Variants in DERA observed in about 807,000 individuals in gnomAD.
DERA encodes the protein 2-deoxy-D-ribose 5-phosphate aldolase.
DERA carries 15 observed loss-of-function variants against 41.1 expected under a neutral mutation model. The ratio of observed to expected loss-of-function variants is 0.37; its 90% CI spans 0.24 to 0.56. The LOEUF is 0.56. Ranked by LOEUF, DERA falls within the 20% of genes least tolerant of loss-of-function variation. The pLI is 0.81. For missense variants in DERA, 396 were observed against 403.4 expected (o/e 0.98, Z 0.16); for synonymous variants, 139 against 137.4 (o/e 1.01, Z -0.08).
intron 1 of DERA, among the ~76,000 whole-genome samples, chr12:15,949,706 C>G (rs1437467006): frequency 3.3e-5 from 5 of 152,146 alleles, no homozygotes; most frequent in Admixed American, 3.3e-4. Flanking sequence ...ACCCACTGTC[C>G]TGCACCCACT....
intron 5 of DERA, among the ~76,000 whole-genome samples, chr12:15,975,354 G>A (rs578056323): frequency 6.6e-6 from 1 of 152,314 alleles, no homozygotes; most frequent in African/African-American, 2.4e-5. Context: ...GATCGGATGA[G>A]CCAGTTTATC....
Position 15,928,186 on chromosome 12 carries a change from A to G in DERA, c.31+16772A>G, listed in dbSNP as rs1948301622. ...TAGCCGTTTTGAAACATACATGAGTATTAACTGTAGCTACCATGCTGTGCA... is the reference window on the plus strand; with the variant it reads ...TAGCCGTTTTGAAACATACATGAGTGTTAACTGTAGCTACCATGCTGTGCA... On this transcript the variant is annotated intron_variant, in intron 1 of 8. Coordinates refer to ENST00000428559, the MANE Select transcript of DERA (RefSeq NM_015954.4). The surrounding 1 kb of genome is among the most constrained non-coding windows in gnomAD (Gnocchi z 4.6). Among the ~76,000 whole-genome samples, 1 of 152,212 alleles carries G rather than the reference A, an allele frequency of 6.6e-6. No individual in the cohort carries two copies.
intron 1 of DERA, among the ~76,000 whole-genome samples, chr12:15,926,070 G>A (rs965210230): frequency 2.6e-5 from 4 of 151,350 alleles, no homozygotes; most frequent in Non-Finnish European, 2.9e-5. Context: ...TGATCCGCCC[G>A]CCTCAGCCTC....
chr12:16,015,618 A>G (rs141205773), intron 6 of DERA, among the ~76,000 whole-genome samples: 77 of 152,302 alleles, frequency 5.1e-4, no homozygotes, highest in African/African-American at 1.8e-3. Context: ...GACTAATACA[A>G]TTTGGTCAAC....
intron 1 of DERA, among the ~76,000 whole-genome samples, chr12:15,917,887 G>A (rs1284862055): frequency 1.3e-5 from 2 of 152,108 alleles, no homozygotes; most frequent in Non-Finnish European, 2.9e-5. Context: ...TGAGCACTAG[G>A]TATGCTCATT....
chr12:15,940,477 G>A lies in DERA; in HGVS notation c.32-16459G>A, dbSNP rs548106482. On this transcript the variant is annotated intron_variant, in intron 1 of 8. Transcript: ENST00000428559. This position sits in a 1 kb window ranked among gnomAD's most constrained non-coding sequence, Gnocchi z 5.1. ...AACGATTCTTCTGCCTCAGCCTCTCGAGTAGCTGGGACTACAGGCGCATGC... is the reference window on the plus strand; with the variant it reads ...AACGATTCTTCTGCCTCAGCCTCTCAAGTAGCTGGGACTACAGGCGCATGC... Among the ~76,000 whole-genome samples, 6 of 152,012 alleles carry A rather than the reference G, an allele frequency of 3.9e-5. No homozygotes were observed. Among genetic ancestry groups the A allele is most frequent in the East Asian group, 1.9e-4 (1 of 5,168 alleles).
At chr12:16,031,269 A>G (rs1297980186) in intron 6 of DERA, among the ~76,000 whole-genome samples, 1 of 152,218 alleles carries the variant, frequency 6.6e-6, no homozygotes, top group East Asian at 1.9e-4. Context: ...TTTTGAGGGC[A>G]AGGTCTTGAA....
Position 16,017,634 on chromosome 12 carries a change from C to A in DERA, c.638-14908C>A, listed in dbSNP as rs890327141. ...ATATTGCCCTAAGTGATTTCCAAACCTATGTTGAACAAAAGAATACAATAT... is the reference window on the plus strand; with the variant it reads ...ATATTGCCCTAAGTGATTTCCAAACATATGTTGAACAAAAGAATACAATAT... On this transcript the variant is annotated intron_variant, in intron 6 of 8. Transcript: ENST00000428559. This position sits in a 1 kb window ranked among gnomAD's most constrained non-coding sequence, Gnocchi z 5.5. 6.6e-6 allele frequency among the ~76,000 whole-genome samples: 1 copy of A among 152,164 alleles called. No individual in the cohort carries two copies. Among genetic ancestry groups the A allele is most frequent in the Non-Finnish European group, 1.5e-5 (1 of 68,038 alleles).
chr12:15,960,675 G>T (rs1948580880), intron 4 of DERA, among the ~76,000 whole-genome samples: 1 of 143,798 alleles, frequency 7.0e-6, no homozygotes, highest in Non-Finnish European at 1.5e-5. Flanking sequence ...AACGATATGT[G>T]CAAAATGTGT....
chr12:15,989,240 C>T lies in DERA; in HGVS notation c.637+6804C>T, dbSNP rs1397625088. Among the ~76,000 whole-genome samples the T allele has an allele frequency of 6.6e-6, 1 of 152,232 alleles. No individual in the cohort carries two copies. The highest frequency in any genetic ancestry group is 1.5e-5 in the Non-Finnish European group (1 of 68,040). On this transcript the variant is annotated intron_variant, in intron 6 of 8. Transcript: ENST00000428559. The surrounding 1 kb of genome is among the most constrained non-coding windows in gnomAD (Gnocchi z 5.2). ...TCCACGGAGTGTGCAGCCCTAGCCA[C>T]GCCTCCCCCGCTGCAACTGGCATCC... is the stretch of plus-strand genomic sequence containing the variant.
intron 1 of DERA, among the ~76,000 whole-genome samples, chr12:15,932,812 C>T (rs1052086195): frequency 3.3e-5 from 5 of 152,032 alleles, no homozygotes; most frequent in Admixed American, 6.6e-5. Flanking sequence ...ATCTTCTAAC[C>T]GAAATTTTTG....
chr12:16,016,282 C>T (rs979236125), intron 6 of DERA, among the ~76,000 whole-genome samples: 3 of 152,112 alleles, frequency 2.0e-5, no homozygotes, highest in African/African-American at 7.2e-5. Flanking sequence ...ACATAACTCT[C>T]CTTCCTTGAC....
At chr12:16,034,601 G>A (rs1949114643) in intron 7 of DERA, among the ~76,000 whole-genome samples, 1 of 152,188 alleles carries the variant, frequency 6.6e-6, no homozygotes, top group African/African-American at 2.4e-5. Context: ...TGCTTGGGCA[G>A]CCCTTAGACT....
chr12:16,006,476 G>A (rs1948911534), intron 6 of DERA, among the ~76,000 whole-genome samples: 1 of 152,210 alleles, frequency 6.6e-6, no homozygotes, highest in African/African-American at 2.4e-5. Flanking sequence ...TTAGTGAGCG[G>A]CCCTCATTTA....
rs192699742 is a variant in DERA at position 15,983,971 on chromosome 12, T to C, written c.637+1535T>C. On this transcript the variant is annotated intron_variant, in intron 6 of 8. Transcript: ENST00000428559. This position sits in a 1 kb window ranked among gnomAD's most constrained non-coding sequence, Gnocchi z 6.2. The stretch of plus-strand genomic sequence containing the variant: ...CACAGTAGAAGACTCACTGTGCCTC[T>C]TAGGAACCTGGGAAAAGCCCCTTGG... Among the ~76,000 whole-genome samples, 38 of 152,344 alleles carry C rather than the reference T, an allele frequency of 2.5e-4. No homozygotes were observed. The highest frequency in any genetic ancestry group is 6.0e-4 in the African/African-American group (25 of 41,580).
chr12:15,942,696 G>T (rs1296499707), intron 1 of DERA, among the ~76,000 whole-genome samples: 1 of 152,168 alleles, frequency 6.6e-6, no homozygotes, highest in Non-Finnish European at 1.5e-5. Context: ...ATGTCCAGGA[G>T]AGTGGGGAAG....
intron 1 of DERA, among the ~76,000 whole-genome samples, chr12:15,925,011 A>G (rs1948271761): frequency 6.6e-6 from 1 of 152,196 alleles, no homozygotes; most frequent in Admixed American, 6.5e-5. Flanking sequence ...ATGAATAAGG[A>G]AGCATTGCTC....
intron 5 of DERA, among the ~76,000 whole-genome samples, chr12:15,964,875 G>T (rs916959368): frequency 2.0e-5 from 3 of 152,176 alleles, no homozygotes; most frequent in African/African-American, 7.2e-5. Flanking sequence ...AGGAATGGTT[G>T]TTTTTAAGAA....
At position 15,982,345 on chromosome 12, in the gene DERA, T is replaced by C; in HGVS notation, c.546T>C (p.Cys182=). 2 of 1,613,884 alleles carry C rather than the reference T, an allele frequency of 1.2e-6. No individual in the cohort carries two copies. The highest frequency in any genetic ancestry group is 1.3e-5 in the African/African-American group (1 of 75,046). ...AGATTCGTCAGTTTCGCAAGGCCTG[T>C]GGGGAGGCTCATCTTAAAACTATAT... The part of the protein sequence containing the change: ...YDEIRQFRKA[C]GEAHLKTILA... Residue 182 remains cysteine, a synonymous_variant, in exon 6 of 9, where the codon TGT becomes TGC. Transcript: ENST00000428559. This position sits in a 1 kb window ranked among gnomAD's most constrained non-coding sequence, Gnocchi z 4.0.
Sources: gnomAD v4.1 joint callset for allele counts (sites outside exome capture counted in the v4.1 genomes callset) on GRCh38, gnomAD v4.1.1 for gene constraint, Gnocchi (gnomAD v3.1) non-coding constraint, MANE v1.5 for transcripts, NCBI Gene and HGNC (gene_info 2026-07-23, HGNC 2026-07-21) for gene names.